TMEM45A: variants seen among roughly 807,000 people sequenced by gnomAD.
TMEM45A encodes the protein transmembrane protein 45A.
TMEM45A carries 25 observed loss-of-function variants against 32.0 expected under a neutral mutation model. That is an observed-to-expected ratio of 0.78 (90% CI 0.57 to 1.09). The LOEUF (loss-of-function observed/expected upper bound fraction) is 1.09, where lower values mean the gene tolerates loss of function less well. Ranked by LOEUF, TMEM45A falls within the 50% of genes least tolerant of loss-of-function variation. The pLI is 0.00. For synonymous variants in TMEM45A, 122 were observed against 114.8 expected, an observed-to-expected ratio of 1.06 and a Z score of -0.40; for missense variants, 302 against 325.0, an observed-to-expected ratio of 0.93 and a Z score of 0.54.
chr3:100,530,949 G>T (rs919812141), intron 1 of TMEM45A, among the ~76,000 whole-genome samples: 15 of 151,960 alleles, frequency 9.9e-5, no homozygotes, highest in Admixed American at 2.0e-4. Context: ...CTTTGTCCCT[G>T]TGTGTCCCAT....
chr3:100,503,541 A>G (rs1030448187), intron 1 of TMEM45A, among the ~76,000 whole-genome samples: 3 of 152,160 alleles, frequency 2.0e-5, no homozygotes, highest in African/African-American at 7.2e-5. Flanking sequence ...CTCAACAGAA[A>G]ATTGGGCCTG....
intron 5 of TMEM45A, chr3:100,574,084 C>G (rs914960599): frequency 1.3e-5 from 2 of 152,028 alleles, no homozygotes; most frequent in East Asian, 1.9e-4. Flanking sequence ...TCTCTGCCAG[C>G]CTTTGGTATC....
intron 5 of TMEM45A, chr3:100,572,843 T>C (rs1706595730): frequency 6.7e-6 from 1 of 149,642 alleles, no homozygotes; most frequent in South Asian, 2.1e-4. Context: ...CCCAGCACCA[T>C]TTATTAAATA....
intron 5 of TMEM45A, among the ~76,000 whole-genome samples, chr3:100,575,542 T>C (rs1251372843): frequency 2.6e-5 from 4 of 152,068 alleles, no homozygotes; most frequent in Non-Finnish European, 5.9e-5. Flanking sequence ...CCAGCTAATT[T>C]TGTATTTTTA....
At chr3:100,493,559 G>T (rs1042484335) in intron 1 of TMEM45A, among the ~76,000 whole-genome samples, 2 of 151,582 alleles carry the variant, frequency 1.3e-5, no homozygotes, top group Non-Finnish European at 2.9e-5. Flanking sequence ...CAGACCACTT[G>T]TGTGTTCATA....
intron 1 of TMEM45A, among the ~76,000 whole-genome samples, chr3:100,553,133 T>C (rs1706142099): frequency 6.6e-6 from 1 of 152,210 alleles, no homozygotes; most frequent in South Asian, 2.1e-4. Flanking sequence ...GAGTAATTCA[T>C]TTTAAATTTA....
intron 1 of TMEM45A, among the ~76,000 whole-genome samples, chr3:100,512,178 T>G (rs904955218): frequency 6.6e-6 from 1 of 152,206 alleles, no homozygotes. Context: ...TACATTTTTT[T>G]CAGCACCACA....
chr3:100,551,010 C>CT (rs747148114), intron 1 of TMEM45A, among the ~76,000 whole-genome samples: 5,556 of 119,616 alleles, frequency 0.046, 334 homozygotes, highest in African/African-American at 0.11. Context: ...GGGTGAACTG[C>CT]TTTTTTTTTT....
chr3:100,510,825 T>C (rs1559635540), intron 1 of TMEM45A, among the ~76,000 whole-genome samples: 1 of 152,178 alleles, frequency 6.6e-6, no homozygotes. Context: ...ACGTGAAGAA[T>C]GCAGAAGCCT....
At chr3:100,548,414 G>A (rs1010237529) in intron 1 of TMEM45A, among the ~76,000 whole-genome samples, 1 of 152,204 alleles carries the variant, frequency 6.6e-6, no homozygotes, top group African/African-American at 2.4e-5. Flanking sequence ...GGAAGGCTGG[G>A]CTTGCTAAGC....
At chr3:100,557,208 C>T (rs1478722344) in intron 3 of TMEM45A, among the ~76,000 whole-genome samples, 1 of 152,196 alleles carries the variant, frequency 6.6e-6, no homozygotes, top group Non-Finnish European at 1.5e-5. Flanking sequence ...TCACATTTCA[C>T]ATCTGTCTCA....
chr3:100,559,951 A>G (rs1706298037), intron 4 of TMEM45A, among the ~76,000 whole-genome samples: 1 of 152,210 alleles, frequency 6.6e-6, no homozygotes, highest in African/African-American at 2.4e-5. Context: ...TAGAACAGAA[A>G]TGTAGAGCAA....
chr3:100,561,833 CT>C (rs1452676497), intron 4 of TMEM45A, among the ~76,000 whole-genome samples: 1 of 152,184 alleles, frequency 6.6e-6, no homozygotes, highest in East Asian at 1.9e-4. Flanking sequence ...CCCAGCTCCA[CT>C]AGTCCCCCCA....
At chr3:100,523,776 C>T (rs1054853472) in intron 1 of TMEM45A, among the ~76,000 whole-genome samples, 6 of 141,734 alleles carry the variant, frequency 4.2e-5, no homozygotes, top group Non-Finnish European at 7.5e-5. Flanking sequence ...CCTCCTTTCT[C>T]TTCCTTCTCC....
chr3:100,496,320 G>A (rs1214519770), intron 1 of TMEM45A, among the ~76,000 whole-genome samples: 1 of 152,208 alleles, frequency 6.6e-6, no homozygotes, highest in African/African-American at 2.4e-5. Flanking sequence ...TGATGGTCAT[G>A]TCCTCCTCAC....
intron 1 of TMEM45A, among the ~76,000 whole-genome samples, chr3:100,522,306 C>T (rs1705452079): frequency 6.6e-6 from 1 of 152,148 alleles, no homozygotes; most frequent in African/African-American, 2.4e-5. Context: ...CAGTATCAGT[C>T]CCTTGATTTG....
intron 1 of TMEM45A, among the ~76,000 whole-genome samples, chr3:100,525,796 A>T (rs1364651682): frequency 6.6e-6 from 1 of 152,188 alleles, no homozygotes; most frequent in Non-Finnish European, 1.5e-5. Context: ...AGCTTGTGGT[A>T]CGGGGAGACA....
At chr3:100,544,797 G>T (rs557631637) in intron 1 of TMEM45A, among the ~76,000 whole-genome samples, 1 of 152,270 alleles carries the variant, frequency 6.6e-6, no homozygotes, top group South Asian at 2.1e-4. Flanking sequence ...CTACTATGAG[G>T]ATCCATGTAC....
intron 4 of TMEM45A, among the ~76,000 whole-genome samples, chr3:100,562,705 T>C (rs1326171498): frequency 6.6e-6 from 1 of 152,208 alleles, no homozygotes; most frequent in Non-Finnish European, 1.5e-5. Flanking sequence ...TGAATCACCA[T>C]AGATAATATG....
Sources: allele counts gnomAD v4.1 joint callset (sites outside exome capture counted in the v4.1 genomes callset), GRCh38; gene constraint gnomAD v4.1.1; transcripts MANE v1.5; gene names NCBI Gene and HGNC (gene_info 2026-07-23, HGNC 2026-07-21).